The following CDKAL1 variants were observed in gnomAD, a reference collection of about 807,000 sequenced individuals.
CDKAL1 encodes threonylcarbamoyladenosine tRNA methylthiotransferase.
CDKAL1 carries 32 observed loss-of-function variants against 68.2 expected under a neutral mutation model. That is an observed-to-expected ratio of 0.47 (90% CI 0.35 to 0.63). The LOEUF (loss-of-function observed/expected upper bound fraction) is 0.63. Ranked by LOEUF, CDKAL1 falls within the 30% of genes least tolerant of loss-of-function variation. The pLI is 0.00. For missense variants in CDKAL1, 606 were observed against 696.7 expected, an observed-to-expected ratio of 0.87 and a Z score of 1.47; for synonymous variants, 234 against 244.3, an observed-to-expected ratio of 0.96 and a Z score of 0.39.
At chr6:20,560,667 T>C (rs542168440) in intron 4 of CDKAL1, among the ~76,000 whole-genome samples, 11 of 152,340 alleles carry the variant, frequency 7.2e-5, no homozygotes, top group African/African-American at 2.6e-4. Flanking sequence ...CAGAATGTAG[T>C]AAACTACTGC....
chr6:21,125,158 A>G (rs897800783), intron 13 of CDKAL1, among the ~76,000 whole-genome samples: 3 of 152,134 alleles, frequency 2.0e-5, no homozygotes, highest in Non-Finnish European at 4.4e-5. Context: ...AGCCAGGTGG[A>G]GGTGATTGAA....
chr6:21,165,129 G>T (rs79278099), intron 13 of CDKAL1, among the ~76,000 whole-genome samples: 6,758 of 152,322 alleles, frequency 0.044, 236 homozygotes, highest in Non-Finnish European at 0.064. Context: ...CAGCAACAAA[G>T]ATGACCTCTT....
At chr6:20,599,462 T>C (rs1300762059) in intron 4 of CDKAL1, 1 of 404,686 alleles carries the variant, frequency 2.5e-6, no homozygotes. Context: ...GTTTGACCCA[T>C]GCTATGCAAA....
rs113411112 is a variant in CDKAL1, at chr6:20,647,137, A to G, written c.287-2156A>G. Among the ~76,000 whole-genome samples, 994 of 152,302 alleles carry G rather than the reference A, an allele frequency of 6.5e-3. 8 individuals are homozygous for G. The highest frequency in any genetic ancestry group is 0.017 in the Middle Eastern group (5 of 294). Reference sequence around the variant, plus strand: ...TGTGACATTTTCTTGTCTGCATAATATGGTTCTCATAGTATTGCTTTGTCA... The same window carrying G: ...TGTGACATTTTCTTGTCTGCATAATGTGGTTCTCATAGTATTGCTTTGTCA... On this transcript the variant is annotated intron_variant, in intron 4 of 15. Coordinates refer to ENST00000274695, the MANE Select transcript of CDKAL1 (RefSeq NM_017774.3).
chr6:20,609,267 C>CCTCCTTCTCCTCCTTCTCCTCCTT (rs1561962943), intron 4 of CDKAL1, among the ~76,000 whole-genome samples: 2 of 22,294 alleles, frequency 9.0e-5, no homozygotes, highest in African/African-American at 2.3e-4. Context: ...CTTCCTTCCT[C>CCTCCTTCTCCTCCTTCTCCTCCTT]CTCCTTCTCC....
At chr6:20,987,194 G>C (rs1251690850) in intron 10 of CDKAL1, among the ~76,000 whole-genome samples, 1 of 151,520 alleles carries the variant, frequency 6.6e-6, no homozygotes, top group African/African-American at 2.4e-5. Context: ...CAGTGGCCTT[G>C]TGTATCTAAA....
chr6:21,223,215 T>A (rs79791090), intron 15 of CDKAL1, among the ~76,000 whole-genome samples: 10,921 of 152,170 alleles, frequency 0.072, 1,100 homozygotes, highest in African/African-American at 0.23. Flanking sequence ...CTCTTTCTCA[T>A]TTGTATGGAA....
intron 5 of CDKAL1, among the ~76,000 whole-genome samples, chr6:20,683,615 T>G (rs917609981): frequency 1.8e-4 from 28 of 152,170 alleles, no homozygotes; most frequent in Admixed American, 1.5e-3. Flanking sequence ...ACAGAGATGT[T>G]CCATATATCC....
chr6:20,544,528 G>A (rs1763515120), intron 2 of CDKAL1, among the ~76,000 whole-genome samples: 1 of 146,276 alleles, frequency 6.8e-6, no homozygotes, highest in Non-Finnish European at 1.5e-5. Context: ...CCCAGGAGGC[G>A]GAGCTTGCAG....
chr6:21,182,176 A>G (rs950865934), intron 13 of CDKAL1, among the ~76,000 whole-genome samples: 1 of 152,234 alleles, frequency 6.6e-6, no homozygotes, highest in Non-Finnish European at 1.5e-5. Flanking sequence ...TTTGTTATGA[A>G]GATGATAACA....
rs56670052 is a variant in CDKAL1, at chr6:20,785,400, C to G, written c.638+4135C>G. ...GCACGATCTTGGCTCACTGCAACCT[C>G]CGCCTCCTGGGTTCAATTGATTCTT... On this transcript the variant is annotated intron_variant, in intron 8 of 15. Coordinates refer to ENST00000274695, the MANE Select transcript of CDKAL1 (RefSeq NM_017774.3). Among the ~76,000 whole-genome samples, 1,280 of 151,556 alleles carry G rather than the reference C, an allele frequency of 8.4e-3. 13 individuals are homozygous for G. Among genetic ancestry groups the G allele is most frequent in the African/African-American group, 0.028 (1,174 of 41,256 alleles).
At chr6:20,820,743 ATTCAAAAAT>A (rs2150441054) in intron 8 of CDKAL1, among the ~76,000 whole-genome samples, 1 of 152,210 alleles carries the variant, frequency 6.6e-6, no homozygotes, top group Admixed American at 6.5e-5. Flanking sequence ...TCTTTCATAT[ATTCAAAAAT>A]GTTTATTGAG....
At chr6:21,126,509 A>G (rs1274263784) in intron 13 of CDKAL1, among the ~76,000 whole-genome samples, 5 of 152,126 alleles carry the variant, frequency 3.3e-5, no homozygotes, top group African/African-American at 1.2e-4. Context: ...TGATGCTTTT[A>G]TGCATCTGCA....
chr6:21,204,776 TTG>T (rs142440603), intron 15 of CDKAL1, among the ~76,000 whole-genome samples: 19,523 of 152,200 alleles, frequency 0.13, 1,415 homozygotes, highest in Non-Finnish European at 0.16. Context: ...GTTTTCGTTT[TTG>T]TGTGTTTTAA....
At chr6:20,805,637 A>T (rs992101533) in intron 8 of CDKAL1, among the ~76,000 whole-genome samples, 3 of 152,256 alleles carry the variant, frequency 2.0e-5, no homozygotes, top group Non-Finnish European at 2.9e-5. Context: ...ATTCATCACA[A>T]TATTCCCAAT....
In CDKAL1 at chr6:20,546,464, A is replaced by T; in HGVS notation, c.114A>T (p.Val38=). ...TAAGAAAGGATGTTGTCCCGAAGGT[A>T]CGAAGGCGAAATACCCAAAAATATT... ...HFVRKDVVPK[V]RRRNTQKYLQ... is the part of the protein sequence containing the mutation. The change falls in exon 3 of 16, where the codon GTA becomes GTT. Residue 38 remains valine (V), a synonymous_variant. Coordinates refer to ENST00000274695, the MANE Select transcript of CDKAL1 (RefSeq NM_017774.3). The T allele has an allele frequency of 6.2e-7, 1 of 1,614,214 alleles. No homozygotes were observed. The highest frequency in any genetic ancestry group is 8.5e-7 in the Non-Finnish European group (1 of 1,180,026).
intron 11 of CDKAL1, among the ~76,000 whole-genome samples, chr6:21,060,251 T>C (rs1771072247): frequency 6.6e-6 from 1 of 152,196 alleles, no homozygotes; most frequent in Non-Finnish European, 1.5e-5. Flanking sequence ...TTCAGGTTTT[T>C]GGTTTCTTCT....
chr6:21,188,132 C>G, intron 13 of CDKAL1, among the ~76,000 whole-genome samples: 1 of 152,068 alleles, frequency 6.6e-6, no homozygotes, highest in Non-Finnish European at 1.5e-5. Context: ...ATTATATAAC[C>G]TATAACATGT....
intron 13 of CDKAL1, among the ~76,000 whole-genome samples, chr6:21,177,615 A>G (rs1777634756): frequency 2.0e-5 from 3 of 151,990 alleles, no homozygotes; most frequent in Non-Finnish European, 2.9e-5. Context: ...TTTAAAGAGT[A>G]TGATATGTCT....
Sources: allele counts gnomAD v4.1 joint callset (sites outside exome capture counted in the v4.1 genomes callset), GRCh38; gene constraint gnomAD v4.1.1; transcripts MANE v1.5; gene names NCBI Gene and HGNC (gene_info 2026-07-23, HGNC 2026-07-21).